The following MESD variants were observed in gnomAD, a reference collection of about 807,000 sequenced individuals.
MESD encodes the protein LRP chaperone MESD.
MESD carries 7 observed loss-of-function variants against 12.9 expected under a neutral mutation model. The observed-to-expected ratio is 0.54, with a 90% CI of 0.31 to 1.02. MESD has a LOEUF of 1.02. Ranked by LOEUF, MESD falls within the 50% of genes least tolerant of loss-of-function variation. The pLI is 0.05. For synonymous variants in MESD, 126 were observed against 115.6 expected (o/e 1.09, Z -0.58); for missense variants, 342 against 296.7 (o/e 1.15, Z -1.12).
intron 3 of MESD, among the ~76,000 whole-genome samples, chr15:80,958,639 A>AT (rs113239673): frequency 0.025 from 3,841 of 150,676 alleles, 172 homozygotes; most frequent in African/African-American, 0.088. Flanking sequence ...GGCCTTAGGC[A>AT]TTTTTTTTTC....
intron 3 of MESD, among the ~76,000 whole-genome samples, chr15:80,964,193 CAGAG>C (rs1417876101): frequency 6.6e-6 from 1 of 152,138 alleles, no homozygotes; most frequent in East Asian, 1.9e-4. Context: ...AACACACAAA[CAGAG>C]AGCCAAATCA....
chr15:80,956,538 CAGAT>C (rs1272294076), intron 3 of MESD, among the ~76,000 whole-genome samples: 3 of 152,012 alleles, frequency 2.0e-5, no homozygotes, highest in Non-Finnish European at 2.9e-5. Context: ...GTTCTCTAAT[CAGAT>C]AGAGAAACAA....
chr15:80,949,080 C>A, intron 4 of MESD: 2 of 989,348 alleles, frequency 2.0e-6, no homozygotes, highest in Non-Finnish European at 1.6e-6. Context: ...CTATCAGAGA[C>A]CCTGGTGCTG....
chr15:80,981,430 C>T (rs1474434035), intron 2 of MESD, among the ~76,000 whole-genome samples: 4 of 132,884 alleles, frequency 3.0e-5, no homozygotes, highest in Admixed American at 2.9e-4. Flanking sequence ...CAGTGAGACT[C>T]CGTCTCAAAA....
chr15:80,952,943 A>C (rs1381226297), intron 3 of MESD: 15 of 455,690 alleles, frequency 3.3e-5, no homozygotes, highest in Non-Finnish European at 4.4e-6. Context: ...TTACCTGCCC[A>C]ATGAGTGGTG....
chr15:80,964,888 G>C (rs1025800635), intron 3 of MESD, among the ~76,000 whole-genome samples: 5 of 152,296 alleles, frequency 3.3e-5, no homozygotes, highest in African/African-American at 1.2e-4. Flanking sequence ...TCAGGACATA[G>C]GCATGGGCAA....
At chr15:80,947,991 C>G (rs1358401110) in exon 5 of MESD, 1 of 152,314 alleles carries the variant, frequency 6.6e-6, no homozygotes, top group Non-Finnish European at 1.5e-5. Flanking sequence ...TGAGAAAAAT[C>G]AGAAGCAATG....
chr15:80,968,302 T>A (rs1433409389), intron 3 of MESD, among the ~76,000 whole-genome samples: 1 of 152,194 alleles, frequency 6.6e-6, no homozygotes, highest in Non-Finnish European at 1.5e-5. Flanking sequence ...TCTGGAGCAA[T>A]CTCTGTGGCC....
chr15:80,966,457 C>G (rs1326217381), intron 3 of MESD, among the ~76,000 whole-genome samples: 1 of 152,076 alleles, frequency 6.6e-6, no homozygotes, highest in Non-Finnish European at 1.5e-5. Flanking sequence ...TGGCAGAGGC[C>G]CTTTGGTTTC....
chr15:80,975,864 G>T lies in MESD; in HGVS notation c.*3355C>A, dbSNP rs967132438. On this transcript the variant is annotated 3_prime_UTR_variant, in exon 3 of 3. Transcript: ENST00000261758. Reference sequence around the variant, plus strand: ...CAGGACATTTCTCCCAGCTATTTGGGAGGCTGTGGTGGGAAGATCAATTGA... The same window carrying T: ...CAGGACATTTCTCCCAGCTATTTGGTAGGCTGTGGTGGGAAGATCAATTGA... 2.6e-5 allele frequency: 4 copies of T among 152,182 alleles called. No individual in the cohort carries two copies. Among genetic ancestry groups the T allele is most frequent in the Non-Finnish European group, 4.4e-5 (3 of 68,028 alleles). 9.4% of individuals were successfully genotyped at this position (152,182 alleles called of 1,614,324 possible). A position where few individuals can be genotyped will look rare whatever the true frequency, so the allele number is the denominator to read the frequency against.
At chr15:80,949,676 T>C (rs1901733566) in intron 4 of MESD, 1 of 155,524 alleles carries the variant, frequency 6.4e-6, no homozygotes, top group Non-Finnish European at 1.4e-5. Context: ...AGGTGAGAAC[T>C]AATGCCTAGC....
At chr15:80,962,133 G>C (rs76883969) in intron 3 of MESD, among the ~76,000 whole-genome samples, 11 of 152,194 alleles carry the variant, frequency 7.2e-5, no homozygotes, top group Non-Finnish European at 1.3e-4. Flanking sequence ...TCAAAATAAA[G>C]GGATGGAAGA....
At chr15:80,975,282 G>T (rs139383864), downstream of MESD, among the ~76,000 whole-genome samples, 1 of 151,862 alleles carries the variant, frequency 6.6e-6, no homozygotes, top group African/African-American at 2.4e-5. Context: ...CTACTCGGGA[G>T]GCTGAGGCAA....
chr15:80,989,556 G>A (rs776532860), intron 1 of MESD, 23 bp downstream of exon 1: 5 of 1,608,966 alleles, frequency 3.1e-6, no homozygotes, highest in Non-Finnish European at 4.2e-6. Flanking sequence ...GAAGAGCCGG[G>A]AGGGTGTGCG....
downstream of MESD, chr15:80,947,008 G>C (rs775476896): frequency 6.2e-7 from 1 of 1,613,970 alleles, no homozygotes; most frequent in African/African-American, 1.3e-5. Context: ...CGTCTCCAGA[G>C]GCCCATGGAC....
chr15:80,981,015 A>C (rs918242686), intron 2 of MESD, among the ~76,000 whole-genome samples: 2 of 151,780 alleles, frequency 1.3e-5, no homozygotes, highest in Non-Finnish European at 2.9e-5. Context: ...TAGTAGAGAC[A>C]GGGTTTCCCC....
In MESD at chr15:80,979,136, C is replaced by T. The variant is rs764084134; in HGVS notation, c.*83G>A. On this transcript the variant is annotated 3_prime_UTR_variant, in exon 3 of 3. Coordinates refer to ENST00000261758, the MANE Select transcript of MESD (RefSeq NM_015154.3). The stretch of plus-strand genomic sequence containing the variant: ...TAGAATGTCATCCGGTGTGCAGTTG[C>T]CTGAGACCACTCCCACCCCAGGAGC... The T allele has an allele frequency of 4.6e-6, 7 of 1,533,256 alleles. No homozygotes were observed. The highest frequency in any genetic ancestry group is 5.3e-6 in the Non-Finnish European group (6 of 1,140,052). The allele number at this position is 1,533,256 out of a possible 1,614,324, so 95.0% of individuals were successfully genotyped here.
At position 80,982,176 on chromosome 15, in the gene MESD, C is replaced by T; in HGVS notation, c.220G>A (p.Asp74Asn). Residue 74 changes from aspartate to asparagine, a missense_variant, in exon 2 of 3, where the codon GAT (aspartate) becomes AAT (asparagine). Asp to Asn is a conservative substitution (Grantham distance 23). Coordinates refer to ENST00000261758, the MANE Select transcript of MESD (RefSeq NM_015154.3). ...GGAAGATCTCCTTCTTCAATGTCAT[C>T]ATCTTTCTATCAGATTAGGGGAAAA... ...ARLLEQWEKD[D>N]DIEEGDLPEH... 1 of 1,613,460 alleles carries T rather than the reference C, an allele frequency of 6.2e-7. No homozygotes were observed. The highest frequency in any genetic ancestry group is 1.1e-5 in the South Asian group (1 of 91,046).
intron 1 of MESD, among the ~76,000 whole-genome samples, chr15:80,986,742 T>C (rs1902745039): frequency 6.6e-6 from 1 of 152,168 alleles, no homozygotes; most frequent in African/African-American, 2.4e-5. Flanking sequence ...TCCAGGCCAG[T>C]CTTGCATTTT....
Sources: gnomAD v4.1 joint callset for allele counts (sites outside exome capture counted in the v4.1 genomes callset) on GRCh38, gnomAD v4.1.1 for gene constraint, MANE v1.5 for transcripts, NCBI Gene and HGNC (gene_info 2026-07-23, HGNC 2026-07-21) for gene names.